Variants in VGLL4 observed in about 807,000 individuals in gnomAD.
The protein encoded by VGLL4 is transcription cofactor vestigial-like protein 4.
In VGLL4, 7 loss-of-function variants were observed where a neutral mutation model predicts 21.0. The ratio of observed to expected loss-of-function variants is 0.33; its 90% confidence interval spans 0.19 to 0.63. The LOEUF (loss-of-function observed/expected upper bound fraction) is 0.63. Among genes scored for constraint, VGLL4 ranks in the 20% least tolerant of loss-of-function variants. The pLI is 0.78. For missense variants in VGLL4, 394 were observed against 425.7 expected, an observed-to-expected ratio of 0.93 and a Z score of 0.66; for synonymous variants, 222 against 173.2, an observed-to-expected ratio of 1.28 and a Z score of -2.21.
intron 2 of VGLL4, chr3:11,582,218 A>AATTATTGC: frequency 6.5e-7 from 1 of 1,546,354 alleles, no homozygotes; most frequent in Non-Finnish European, 8.8e-7. Flanking sequence ...AGCTGAAAAT[A>AATTATTGC]CAGGGTTGCC....
At chr3:11,639,508 TC>T (rs1207542690) in intron 1 of VGLL4, among the ~76,000 whole-genome samples, 1 of 152,212 alleles carries the variant, frequency 6.6e-6, no homozygotes, top group Non-Finnish European at 1.5e-5. Context: ...CAGGGTGTTA[TC>T]CCCGTGCTAG....
chr3:11,589,628 A>G (rs779930490), intron 2 of VGLL4, among the ~76,000 whole-genome samples: 8 of 152,252 alleles, frequency 5.3e-5, no homozygotes, highest in African/African-American at 1.7e-4. Flanking sequence ...TTGAGCTGCC[A>G]TAACAAAATA....
At chr3:11,558,900 C>A in intron 4 of VGLL4, 73 bp from the exon 5 acceptor site, 1 of 1,545,620 alleles carries the variant, frequency 6.5e-7, no homozygotes. Flanking sequence ...GCAGCACCCT[C>A]CCTCAGGCAG....
chr3:11,701,995 T>C (rs1045727939), intron 2 of VGLL4, among the ~76,000 whole-genome samples: 1 of 152,178 alleles, frequency 6.6e-6, no homozygotes, highest in Non-Finnish European at 1.5e-5. Flanking sequence ...CCAATATTGT[T>C]CCTTTCACCC....
At chr3:11,705,920 C>CAAAAAAA (rs11335186) in intron 1 of VGLL4, among the ~76,000 whole-genome samples, 1 of 131,388 alleles carries the variant, frequency 7.6e-6, no homozygotes, top group East Asian at 2.3e-4. Flanking sequence ...GACTCCGTCT[C>CAAAAAAA]AAAAAAAAAA....
chr3:11,685,345 C>T (rs532763978), intron 2 of VGLL4, among the ~76,000 whole-genome samples: 2 of 152,134 alleles, frequency 1.3e-5, no homozygotes, highest in South Asian at 2.1e-4. Context: ...AATACAGGCG[C>T]GTGCCCCCAC....
rs2072396177 is a variant in VGLL4, at chr3:11,556,256, G to GGAGCCCCTTC, written c.*2290_*2299dup. 6.6e-6 allele frequency: 1 copy of GGAGCCCCTTC among 152,634 alleles called. No individual in the cohort carries two copies. 9.5% of individuals were successfully genotyped at this position (152,634 alleles called of 1,614,324 possible). ...AGCGCGGCTCTGGGAAGAACTTCAC[G>GGAGCCCCTTC]GAGCCCCTTCTTAGAGCAGGGAGGG... On this transcript the variant is annotated 3_prime_UTR_variant, in exon 5 of 5. Transcript: ENST00000430365.
chr3:11,648,784 A>G (rs1447631295), upstream of VGLL4, among the ~76,000 whole-genome samples: 2 of 152,220 alleles, frequency 1.3e-5, no homozygotes, highest in Non-Finnish European at 2.9e-5. Context: ...TTGAAAAACT[A>G]TTCAACCTTA....
At chr3:11,625,301 G>A (rs2075331722) in intron 1 of VGLL4, among the ~76,000 whole-genome samples, 1 of 152,196 alleles carries the variant, frequency 6.6e-6, no homozygotes, top group Non-Finnish European at 1.5e-5. Context: ...AAATAGGATT[G>A]CTAGCATTTG....
rs780770915 is a variant in VGLL4 at position 11,559,459 on chromosome 3, C to T, written c.496-4G>A. On this transcript the variant is annotated splice_region_variant and splice_polypyrimidine_tract_variant and intron_variant, in intron 3 of 4. Coordinates refer to ENST00000430365, the MANE Select transcript of VGLL4 (RefSeq NM_001128219.3). ...AGGTGATCACGGAGGGCCGGTTCTGCGGGGAGGAGGGGTGTCAGTATGTGG... is the reference window on the plus strand; with the variant it reads ...AGGTGATCACGGAGGGCCGGTTCTGTGGGGAGGAGGGGTGTCAGTATGTGG... 29 of 1,554,988 alleles carry T rather than the reference C, an allele frequency of 1.9e-5. No individual in the cohort carries two copies. Among genetic ancestry groups the T allele is most frequent in the East Asian group, 4.7e-5 (2 of 42,118 alleles).
Position 11,643,631 on chromosome 3 carries a change from G to A in VGLL4, c.-113C>T, listed in dbSNP as rs2075738581. 5 of 1,553,834 alleles carry A rather than the reference G, an allele frequency of 3.2e-6. No individual in the cohort carries two copies. Among genetic ancestry groups the A allele is most frequent in the Non-Finnish European group, 4.3e-6 (5 of 1,155,952 alleles). ...GCTCTTCAACTTCACAAAGGCAGAG[G>A]CCCAGCCTCAGACTATCAAAACAAA... On this transcript the variant is annotated 5_prime_UTR_variant, in exon 1 of 5. Transcript: ENST00000430365.
rs1388865507 is a variant in VGLL4 at position 11,564,867 on chromosome 3, G to T, written c.425C>A (p.Thr142Asn). The change falls in exon 3 of 5, where the codon ACC (threonine) becomes AAC (asparagine). Residue 142 changes from threonine to asparagine, a missense_variant. Physicochemically the swap from Thr to Asn is moderately conservative, Grantham distance 65. Transcript: ENST00000430365. ...CCTGCTGGCGTCCAGGCTGTTCTTG[G>T]TCAGTGCGAGGGGCTGCTCCAGGCC... ...SLGLEQPLALTKNSLDASRPA... is the reference protein window; with the variant it reads ...SLGLEQPLALNKNSLDASRPA... 1 of 1,609,468 alleles carries T rather than the reference G, an allele frequency of 6.2e-7. No individual in the cohort carries two copies. Among genetic ancestry groups the T allele is most frequent in the Non-Finnish European group, 8.5e-7 (1 of 1,178,780 alleles).
chr3:11,624,162 A>C (rs951279351), intron 1 of VGLL4, among the ~76,000 whole-genome samples: 2 of 152,234 alleles, frequency 1.3e-5, no homozygotes, highest in Admixed American at 1.3e-4. Flanking sequence ...TAAAACACAT[A>C]TTCCTAGGTC....
chr3:11,592,731 G>A (rs1006278220), intron 2 of VGLL4, among the ~76,000 whole-genome samples: 2 of 152,124 alleles, frequency 1.3e-5, no homozygotes, highest in Non-Finnish European at 2.9e-5. Flanking sequence ...TTGAATCCTG[G>A]CTCTGGTACT....
Position 11,559,427 on chromosome 3 carries a change from G to A in VGLL4, c.524C>T (p.Ser175Leu), listed in dbSNP as rs369969148. 86 of 1,566,910 alleles carry A rather than the reference G, an allele frequency of 5.5e-5. 1 individual carries two copies. The highest frequency in any genetic ancestry group is 5.3e-4 in the South Asian group (45 of 85,212). ...QNRPSVITCA[S>L]AGARNCNLSH... is the part of the protein sequence containing the mutation. ...GAGGTTGCAGTTGCGGGCGCCAGCC[G>A]AGGCACAGGTGATCACGGAGGGCCG... The change falls in exon 4 of 5, where the codon TCG (serine) becomes TTG (leucine). Residue 175 changes from serine (S) to leucine (L), a missense_variant. Ser to Leu is a moderately radical substitution (Grantham distance 145). Coordinates refer to ENST00000430365, the MANE Select transcript of VGLL4 (RefSeq NM_001128219.3).
chr3:11,592,428 G>C (rs1259710916), intron 2 of VGLL4, among the ~76,000 whole-genome samples: 2 of 152,152 alleles, frequency 1.3e-5, no homozygotes, highest in Non-Finnish European at 2.9e-5. Context: ...CAATCCCTGA[G>C]GGAACCCTGG....
chr3:11,587,849 T>TG (rs59568262), intron 2 of VGLL4, among the ~76,000 whole-genome samples: 23,630 of 152,084 alleles, frequency 0.16, 4,480 homozygotes, highest in African/African-American at 0.46. Flanking sequence ...ACAAGAAACC[T>TG]GGGGGGCTTC....
At chr3:11,562,155 C>G (rs1223482783) in intron 3 of VGLL4, among the ~76,000 whole-genome samples, 2 of 152,248 alleles carry the variant, frequency 1.3e-5, no homozygotes, top group South Asian at 2.1e-4. Context: ...CCTCAACCCC[C>G]CAAAGGGCTG....
chr3:11,601,559 G>C (rs1363653227), intron 2 of VGLL4, among the ~76,000 whole-genome samples: 2 of 152,200 alleles, frequency 1.3e-5, no homozygotes, highest in Non-Finnish European at 2.9e-5. Flanking sequence ...ACTGCTCGCA[G>C]AAGCTCTAAG....
Sources: allele counts gnomAD v4.1 joint callset (sites outside exome capture counted in the v4.1 genomes callset), GRCh38; gene constraint gnomAD v4.1.1; transcripts MANE v1.5; gene names NCBI Gene and HGNC (gene_info 2026-07-23, HGNC 2026-07-21).